SIPA1L1: variants seen among roughly 807,000 people sequenced by gnomAD.
The protein encoded by SIPA1L1 is signal induced proliferation associated 1 like 1.
Under a neutral mutation model 162.7 loss-of-function variants are expected in SIPA1L1, and 26 were observed. That is an observed-to-expected ratio of 0.16 (90% CI 0.12 to 0.22). The LOEUF (loss-of-function observed/expected upper bound fraction) is 0.22, where lower values mean the gene tolerates loss of function less well. Among genes scored for constraint, SIPA1L1 ranks in the 10% least tolerant of loss-of-function variants. SIPA1L1 has a pLI of 1.00. For synonymous variants in SIPA1L1, 829 were observed against 837.4 expected (o/e 0.99, Z 0.17); for missense variants, 1,874 against 2,241.0 (o/e 0.84, Z 3.31).
intron 20 of SIPA1L1, among the ~76,000 whole-genome samples, chr14:71,730,807 T>C (rs142570311): frequency 1.4e-3 from 207 of 152,310 alleles, no homozygotes; most frequent in Non-Finnish European, 2.4e-3. Context: ...AAGGAAAAGG[T>C]TTGTGGATGA....
At chr14:71,349,887 G>A (rs2036526455) in intron 2 of SIPA1L1, among the ~76,000 whole-genome samples, 1 of 152,178 alleles carries the variant, frequency 6.6e-6, no homozygotes, top group Non-Finnish European at 1.5e-5. Context: ...TATAGGCAGA[G>A]TGCCTAGGAA....
At chr14:71,475,687 C>T (rs1243098876) in intron 2 of SIPA1L1, among the ~76,000 whole-genome samples, 1 of 152,144 alleles carries the variant, frequency 6.6e-6, no homozygotes, top group Non-Finnish European at 1.5e-5. Context: ...TCCAATGTAA[C>T]ACATTTGTGG....
chr14:71,542,311 C>CTCCTCTTCCTCCTCT (rs570368064), intron 4 of SIPA1L1, among the ~76,000 whole-genome samples: 1 of 149,844 alleles, frequency 6.7e-6, no homozygotes, highest in African/African-American at 2.5e-5. Context: ...CTTCCTCCTC[C>CTCCTCTTCCTCCTCT]TCCTCTTCCT....
chr14:71,493,557 A>T (rs2049469323), intron 2 of SIPA1L1, among the ~76,000 whole-genome samples: 1 of 152,352 alleles, frequency 6.6e-6, no homozygotes, highest in Admixed American at 6.5e-5. Context: ...TTCTCCAAGG[A>T]CATAATGTTG....
chr14:71,724,636 T>G, intron 18 of SIPA1L1, 34 bp from the exon 19 acceptor site: 1 of 1,591,666 alleles, frequency 6.3e-7, no homozygotes, highest in Non-Finnish European at 8.6e-7. Context: ...CCTTGTTGAG[T>G]TGGTATCTAT....
intron 4 of SIPA1L1, among the ~76,000 whole-genome samples, chr14:71,553,748 A>T (rs988847827): frequency 6.6e-6 from 1 of 152,208 alleles, no homozygotes; most frequent in Non-Finnish European, 1.5e-5. Flanking sequence ...GGGCTACTCT[A>T]CATCATATAC....
At chr14:71,717,931 A>G (rs552392357) in intron 17 of SIPA1L1, among the ~76,000 whole-genome samples, 1 of 152,340 alleles carries the variant, frequency 6.6e-6, no homozygotes, top group African/African-American at 2.4e-5. Context: ...AGGATTCCCC[A>G]GTTACATCAG....
At chr14:71,590,235 G>A (rs1037172449) in intron 5 of SIPA1L1, among the ~76,000 whole-genome samples, 3 of 151,638 alleles carry the variant, frequency 2.0e-5, no homozygotes, top group Non-Finnish European at 4.4e-5. Context: ...GTTAATTAAG[G>A]AATGAGTTTA....
intron 2 of SIPA1L1, among the ~76,000 whole-genome samples, chr14:71,357,262 T>G (rs936618180): frequency 1.3e-4 from 20 of 152,072 alleles, no homozygotes; most frequent in Middle Eastern, 3.2e-3. Context: ...TGAAGTTTTT[T>G]TTTGTGTGTG....
intron 2 of SIPA1L1, among the ~76,000 whole-genome samples, chr14:71,394,532 C>G (rs1005093019): frequency 6.6e-6 from 1 of 152,194 alleles, no homozygotes; most frequent in Non-Finnish European, 1.5e-5. Context: ...TTCCTCTGTT[C>G]AGACCTTTTC....
At chr14:71,457,526 T>A (rs1289309178) in intron 2 of SIPA1L1, among the ~76,000 whole-genome samples, 1 of 151,670 alleles carries the variant, frequency 6.6e-6, no homozygotes, top group African/African-American at 2.4e-5. Flanking sequence ...CTTGAACTCC[T>A]GACCTTGTGA....
intron 7 of SIPA1L1, among the ~76,000 whole-genome samples, chr14:71,633,288 G>A (rs1467916386): frequency 6.6e-6 from 1 of 152,162 alleles, no homozygotes; most frequent in East Asian, 1.9e-4. Flanking sequence ...AGCCTCCTGA[G>A]TAATGTGTGT....
intron 14 of SIPA1L1, among the ~76,000 whole-genome samples, chr14:71,701,018 A>G (rs1353923351): frequency 6.8e-6 from 1 of 146,724 alleles, no homozygotes; most frequent in Non-Finnish European, 1.5e-5. Flanking sequence ...AAAAAAAAAA[A>G]AAAAAAAAAA....
intron 4 of SIPA1L1, among the ~76,000 whole-genome samples, chr14:71,545,502 T>A (rs35971049): frequency 0.17 from 26,274 of 152,136 alleles, 2,740 homozygotes; most frequent in Middle Eastern, 0.35. Flanking sequence ...TTGCTAGTAC[T>A]CAGACATAAC....
chr14:71,499,420 G>C (rs2050029119), intron 2 of SIPA1L1, among the ~76,000 whole-genome samples: 1 of 152,244 alleles, frequency 6.6e-6, no homozygotes, highest in Non-Finnish European at 1.5e-5. Context: ...CACAACATCT[G>C]CTTGCGTATT....
At chr14:71,697,567 G>A (rs1255426064) in intron 13 of SIPA1L1, among the ~76,000 whole-genome samples, 2 of 152,188 alleles carry the variant, frequency 1.3e-5, no homozygotes, top group African/African-American at 4.8e-5. Flanking sequence ...GATAAAATGT[G>A]TTAGTCTTGA....
chr14:71,447,083 A>ATT (rs112760691), intron 2 of SIPA1L1, among the ~76,000 whole-genome samples: 2 of 137,134 alleles, frequency 1.5e-5, no homozygotes, highest in African/African-American at 5.3e-5. Flanking sequence ...AGCTAATTAC[A>ATT]TTTTTTTTTT....
intron 6 of SIPA1L1, among the ~76,000 whole-genome samples, chr14:71,621,718 G>A (rs2039468498): frequency 1.3e-5 from 2 of 152,066 alleles, no homozygotes; most frequent in South Asian, 2.1e-4. Flanking sequence ...GCTTCTGTCC[G>A]AGTTGTTCAG....
At chr14:71,336,453 G>A (rs1308848748) in intron 2 of SIPA1L1, among the ~76,000 whole-genome samples, 1 of 152,112 alleles carries the variant, frequency 6.6e-6, no homozygotes, top group African/African-American at 2.4e-5. Flanking sequence ...TCATATAAAT[G>A]GGATCATACA....
Sources: allele counts gnomAD v4.1 joint callset (sites outside exome capture counted in the v4.1 genomes callset), GRCh38; gene constraint gnomAD v4.1.1; transcripts MANE v1.5; gene names NCBI Gene and HGNC (gene_info 2026-07-23, HGNC 2026-07-21).